The following TXNRD1 variants were observed in gnomAD, a reference collection of about 807,000 sequenced individuals.
The protein encoded by TXNRD1 is thioredoxin reductase 1, cytoplasmic.
TXNRD1 carries 57 observed loss-of-function variants against 80.3 expected under a neutral mutation model. The observed-to-expected ratio is 0.71, with a 90% CI of 0.57 to 0.89. The LOEUF (loss-of-function observed/expected upper bound fraction) is 0.89. Among genes scored for constraint, TXNRD1 ranks in the 40% least tolerant of loss-of-function variants. TXNRD1 has a pLI of 0.00. For missense variants in TXNRD1, 730 were observed against 803.0 expected, an observed-to-expected ratio of 0.91 and a Z score of 1.10; for synonymous variants, 291 against 285.2, an observed-to-expected ratio of 1.02 and a Z score of -0.20.
intron 4 of TXNRD1, chr12:104,290,995 A>C (rs11111981): frequency 0.52 from 341,938 of 657,342 alleles, 90,822 homozygotes; most frequent in East Asian, 0.6. Flanking sequence ...TTCTTTAGAG[A>C]TGGAGGTCTC....
intron 13 of TXNRD1, among the ~76,000 whole-genome samples, chr12:104,328,758 CAAAAAAAAAAAA>C (rs33918583): frequency 2.2e-5 from 2 of 92,798 alleles, no homozygotes; most frequent in African/African-American, 4.1e-5. Flanking sequence ...GACTCTGCCT[CAAAAAAAAAAAA>C]AAAAAAAAAG....
intron 3 of TXNRD1, among the ~76,000 whole-genome samples, chr12:104,276,003 A>C (rs2033749596): frequency 6.6e-6 from 1 of 152,234 alleles, no homozygotes; most frequent in Non-Finnish European, 1.5e-5. Context: ...ACAGTTTGCC[A>C]GCAGAAAAGC....
chr12:104,234,862 A>G (rs1032670084), intron 1 of TXNRD1, among the ~76,000 whole-genome samples: 1 of 152,286 alleles, frequency 6.6e-6, no homozygotes, highest in South Asian at 2.1e-4. Flanking sequence ...ACCATTCCCA[A>G]TAGGAAAAGA....
At chr12:104,344,370 T>A (rs1320498167) in intron 16 of TXNRD1, among the ~76,000 whole-genome samples, 1 of 151,908 alleles carries the variant, frequency 6.6e-6, no homozygotes, top group Non-Finnish European at 1.5e-5. Flanking sequence ...TTTTTTTTTT[T>A]AAACCCTGGT....
chr12:104,230,761 G>A (rs7975524), intron 1 of TXNRD1, among the ~76,000 whole-genome samples: 1 of 151,954 alleles, frequency 6.6e-6, no homozygotes, highest in African/African-American at 2.4e-5. Context: ...AACCCTGTGT[G>A]GGGCAGAAAA....
intron 5 of TXNRD1, 75 bp from the exon 6 acceptor site, chr12:104,313,170 C>G: frequency 8.3e-7 from 1 of 1,206,760 alleles, no homozygotes; most frequent in South Asian, 1.3e-5. Context: ...AAAAAAAAAT[C>G]ATGGATTTTT....
intron 2 of TXNRD1, among the ~76,000 whole-genome samples, chr12:104,256,471 T>C (rs2033250658): frequency 6.6e-6 from 1 of 152,220 alleles, no homozygotes; most frequent in East Asian, 1.9e-4. Flanking sequence ...TTAGGTGACA[T>C]CTAAAAGAGT....
At chr12:104,324,372 G>A (rs1193096616) in intron 10 of TXNRD1, among the ~76,000 whole-genome samples, 1 of 111,008 alleles carries the variant, frequency 9.0e-6, no homozygotes, top group Non-Finnish European at 1.8e-5. Context: ...TTTTTTTTGA[G>A]ATGGAGTCTT....
chr12:104,277,306 AG>A (rs1378034184), intron 3 of TXNRD1, among the ~76,000 whole-genome samples: 4 of 151,290 alleles, frequency 2.6e-5, no homozygotes, highest in Non-Finnish European at 4.4e-5. Context: ...AGGCTGAGGC[AG>A]GAGAATGACA....
chr12:104,321,227 A>G lies in TXNRD1; in HGVS notation c.1126A>G (p.Arg376Gly), dbSNP rs759589565. ...VTVMVRSILL[R>G]GFDQDMANKI... Reference sequence around the variant, plus strand: ...TGTTATGGTTAGGTCCATTCTTCTTAGAGGATTTGACCAGGACATGGCCAA... The same window carrying G: ...TGTTATGGTTAGGTCCATTCTTCTTGGAGGATTTGACCAGGACATGGCCAA... Residue 376 changes from arginine (R) to glycine (G), a missense_variant, in exon 10 of 17, where the codon AGA becomes GGA. Transcript: ENST00000525566. 5.5e-5 allele frequency: 89 copies of G among 1,613,824 alleles called. No homozygotes were observed. The highest frequency in any genetic ancestry group is 7.4e-5 in the Non-Finnish European group (87 of 1,179,888).
chr12:104,327,635 G>C lies in TXNRD1; in HGVS notation c.1506G>C (p.Leu502Phe), dbSNP rs747600243. The change falls in exon 13 of 17, where the codon TTG becomes TTC. Residue 502 changes from leucine to phenylalanine, a missense_variant. Leu to Phe is a conservative substitution (Grantham distance 22). Coordinates refer to ENST00000525566, the MANE Select transcript of TXNRD1 (RefSeq NM_001093771.3). ...CAGTTGCAATCCAGGCAGGAAGATT[G>C]CTGGCTCAGAGGCTCTATGCAGGTT... ...LTPVAIQAGR[L>F]LAQRLYAGST... 2.1e-5 allele frequency: 34 copies of C among 1,613,596 alleles called. No homozygotes were observed. Among genetic ancestry groups the C allele is most frequent in the Non-Finnish European group, 2.7e-5 (32 of 1,179,824 alleles).
chr12:104,345,212 T>A (rs2036451918), intron 16 of TXNRD1, among the ~76,000 whole-genome samples: 1 of 152,220 alleles, frequency 6.6e-6, no homozygotes, highest in Admixed American at 6.5e-5. Context: ...CCCAGTACAT[T>A]GTCAGTGAAT....
intron 3 of TXNRD1, among the ~76,000 whole-genome samples, chr12:104,269,399 CTTTT>C (rs71069741): frequency 8.3e-6 from 1 of 120,450 alleles, no homozygotes; most frequent in Non-Finnish European, 1.7e-5. Context: ...GTGTTTCTTT[CTTTT>C]TTTTTTTTTT....
At chr12:104,304,104 A>T (rs1288452654) in intron 4 of TXNRD1, 1 of 1,613,900 alleles carries the variant, frequency 6.2e-7, no homozygotes, top group African/African-American at 1.3e-5. Context: ...AACCGGGAGG[A>T]CATCGTGAGC....
At chr12:104,293,824 G>A (rs111938190) in intron 4 of TXNRD1, among the ~76,000 whole-genome samples, 1 of 152,280 alleles carries the variant, frequency 6.6e-6, no homozygotes, top group African/African-American at 2.4e-5. Flanking sequence ...CGAATGTCGG[G>A]CTGCACTATT....
chr12:104,280,081 A>AAAAAAAAG lies in TXNRD1; in HGVS notation c.305-8848_305-8847insAAAAAGAA. 1.3e-5 allele frequency among the ~76,000 whole-genome samples: 2 copies of AAAAAAAAG among 150,770 alleles called. 1 individual carries two copies. Among genetic ancestry groups the AAAAAAAAG allele is most frequent in the Admixed American group, 1.3e-4 (2 of 15,144 alleles). On this transcript the variant is annotated intron_variant, in intron 3 of 16. Coordinates refer to ENST00000525566, the MANE Select transcript of TXNRD1 (RefSeq NM_001093771.3). ...CTGTCTCAAAAAAAAAAAAAAAAAA[A>AAAAAAAAG]AATTCCTCTATCCTACATCCCTCTT... is the stretch of plus-strand genomic sequence containing the variant.
intron 1 of TXNRD1, among the ~76,000 whole-genome samples, chr12:104,220,815 T>C (rs532652193): frequency 6.6e-6 from 1 of 152,204 alleles, no homozygotes; most frequent in South Asian, 2.1e-4. Flanking sequence ...GGAATTAATC[T>C]GTTAATGCCT....
chr12:104,342,964 G>A (rs2036375441), intron 16 of TXNRD1, among the ~76,000 whole-genome samples: 1 of 152,178 alleles, frequency 6.6e-6, no homozygotes, highest in Admixed American at 6.5e-5. Context: ...TTTGAGGGCA[G>A]AGTTGATAGT....
At chr12:104,293,944 C>G (rs2034325341) in intron 4 of TXNRD1, among the ~76,000 whole-genome samples, 2 of 152,186 alleles carry the variant, frequency 1.3e-5, no homozygotes, top group African/African-American at 4.8e-5. Flanking sequence ...CCTTCCCTGC[C>G]TGGCAGCCGA....
Sources: gnomAD v4.1 joint callset for allele counts (sites outside exome capture counted in the v4.1 genomes callset) on GRCh38, gnomAD v4.1.1 for gene constraint, MANE v1.5 for transcripts, NCBI Gene and HGNC (gene_info 2026-07-23, HGNC 2026-07-21) for gene names.